COLGALT2: variants seen among roughly 807,000 people sequenced by gnomAD.
COLGALT2 encodes collagen beta(1-O)galactosyltransferase 2.
Under a neutral mutation model 73.4 loss-of-function variants are expected in COLGALT2, and 49 were observed. The observed-to-expected ratio is 0.67, with a 90% CI of 0.53 to 0.85. The LOEUF is 0.85. Ranked by LOEUF, COLGALT2 falls within the 40% of genes least tolerant of loss-of-function variation. COLGALT2 has a pLI of 0.00. For synonymous variants in COLGALT2, 295 were observed against 307.6 expected (o/e 0.96, Z 0.43); for missense variants, 722 against 790.2 (o/e 0.91, Z 1.03).
intron 10 of COLGALT2, 127 bp downstream of exon 10, chr1:183,944,069 G>A: frequency 1.7e-6 from 2 of 1,142,964 alleles, no homozygotes; most frequent in Non-Finnish European, 2.4e-6. Flanking sequence ...AACATTTATG[G>A]AAAGAAAACT....
intron 1 of COLGALT2, among the ~76,000 whole-genome samples, chr1:183,990,122 A>G (rs1671592981): frequency 6.6e-6 from 1 of 152,324 alleles, no homozygotes; most frequent in South Asian, 2.1e-4. Context: ...TCTCAACATC[A>G]GTTCTTCTCT....
chr1:184,012,631 G>A (rs58140119), intron 1 of COLGALT2, among the ~76,000 whole-genome samples: 2,799 of 152,276 alleles, frequency 0.018, 76 homozygotes, highest in African/African-American at 0.062. Flanking sequence ...TTCAAAGGCA[G>A]TCTATTCCTA....
In COLGALT2 at chr1:183,944,305, C is replaced by T. The variant is rs1248650595; in HGVS notation, c.1288G>A (p.Glu430Lys). Residue 430 changes from glutamate (E) to lysine (K), a missense_variant, in exon 10 of 12, where the codon GAG (glutamate) becomes AAG (lysine). Coordinates refer to ENST00000361927, the MANE Select transcript of COLGALT2 (RefSeq NM_015101.4). ...VWKEVIDREL[E>K]KTLVIEDDVR... The stretch of plus-strand genomic sequence containing the variant: ...TCGTCTTCAATTACAAGAGTCTTCT[C>T]TAGCTCTCGATCAATTACCTGCAAA... The T allele has an allele frequency of 6.2e-7, 1 of 1,613,218 alleles. No homozygotes were observed. Among genetic ancestry groups the T allele is most frequent in the Non-Finnish European group, 8.5e-7 (1 of 1,179,746 alleles).
At chr1:183,971,369 T>C (rs915266468) in intron 4 of COLGALT2, among the ~76,000 whole-genome samples, 1 of 152,176 alleles carries the variant, frequency 6.6e-6, no homozygotes, top group African/African-American at 2.4e-5. Context: ...AATTTAGTTT[T>C]ACTGTACAAA....
At chr1:183,958,161 T>G (rs973943203) in intron 6 of COLGALT2, among the ~76,000 whole-genome samples, 1 of 152,276 alleles carries the variant, frequency 6.6e-6, no homozygotes, top group South Asian at 2.1e-4. Flanking sequence ...ATGGGCACAG[T>G]GCTTTTAATA....
chr1:183,997,087 G>C (rs1161667903), intron 1 of COLGALT2, among the ~76,000 whole-genome samples: 7 of 152,092 alleles, frequency 4.6e-5, no homozygotes, highest in Non-Finnish European at 1.0e-4. Flanking sequence ...CTTAAGGTCT[G>C]GCCACAAGCC....
chr1:183,988,405 A>AGTG (rs899544224), intron 1 of COLGALT2, among the ~76,000 whole-genome samples: 45 of 152,322 alleles, frequency 3.0e-4, no homozygotes, highest in Middle Eastern at 3.4e-3. Context: ...TATAAAATTC[A>AGTG]GTGGTTTTTA....
chr1:183,969,365 C>T lies in COLGALT2; in HGVS notation c.736G>A (p.Glu246Lys), dbSNP rs1670972390. 1.2e-6 allele frequency: 2 copies of T among 1,613,928 alleles called. No individual in the cohort carries two copies. Among genetic ancestry groups the T allele is most frequent in the Non-Finnish European group, 1.7e-6 (2 of 1,179,898 alleles). The change falls in exon 5 of 12, where the codon GAG (glutamate) becomes AAG (lysine). Residue 246 changes from glutamate to lysine, a missense_variant. Glu to Lys is a moderately conservative substitution (Grantham distance 56). Coordinates refer to ENST00000361927, the MANE Select transcript of COLGALT2 (RefSeq NM_015101.4). ...TAGAAAGTCAGCTTGTCCGAGGCCT[C>T]CTTCCTGAGGTCAATTAGGAAGGTG... The part of the protein sequence containing the change: ...HSTFLIDLRK[E>K]ASDKLTFYPP...
chr1:184,034,492 T>C (rs1050100984), intron 1 of COLGALT2, among the ~76,000 whole-genome samples: 3 of 152,048 alleles, frequency 2.0e-5, no homozygotes, highest in African/African-American at 7.2e-5. Flanking sequence ...GCCATTCAGA[T>C]CACCTTACAC....
chr1:183,980,385 G>C (rs548347255), intron 1 of COLGALT2, among the ~76,000 whole-genome samples: 88 of 151,948 alleles, frequency 5.8e-4, no homozygotes, highest in Non-Finnish European at 7.7e-4. Flanking sequence ...TGGTAAGGAT[G>C]GGAAACAAGA....
At chr1:183,999,422 T>C (rs1384581126) in intron 1 of COLGALT2, among the ~76,000 whole-genome samples, 2 of 152,298 alleles carry the variant, frequency 1.3e-5, no homozygotes, top group Admixed American at 1.3e-4. Context: ...TATTTTCTTT[T>C]ATTATACGGT....
At chr1:183,995,280 C>A (rs1004538844) in intron 1 of COLGALT2, among the ~76,000 whole-genome samples, 1 of 152,144 alleles carries the variant, frequency 6.6e-6, no homozygotes, top group Admixed American at 6.5e-5. Flanking sequence ...TCCCAAACAA[C>A]CAAACATTTT....
intron 5 of COLGALT2, chr1:183,964,485 A>T (rs927457191): frequency 4.3e-5 from 7 of 164,338 alleles, no homozygotes; most frequent in Non-Finnish European, 9.2e-5. Flanking sequence ...GCATACATAG[A>T]ACAAAAAAAC....
intron 1 of COLGALT2, among the ~76,000 whole-genome samples, chr1:183,982,820 G>T (rs12760593): frequency 0.12 from 18,339 of 152,156 alleles, 1,211 homozygotes; most frequent in Admixed American, 0.18. Context: ...AATAGTCTAG[G>T]TAATTTATAC....
intron 4 of COLGALT2, among the ~76,000 whole-genome samples, chr1:183,969,703 T>A (rs1158753924): frequency 2.6e-5 from 4 of 152,246 alleles, no homozygotes; most frequent in Non-Finnish European, 5.9e-5. Flanking sequence ...GTAACTTTTA[T>A]TTCAGCATAT....
intron 1 of COLGALT2, among the ~76,000 whole-genome samples, chr1:183,995,603 A>T (rs1302878740): frequency 6.6e-6 from 1 of 152,088 alleles, no homozygotes; most frequent in African/African-American, 2.4e-5. Context: ...GGCTTCTTGT[A>T]TACTACCTTG....
intron 4 of COLGALT2, among the ~76,000 whole-genome samples, chr1:183,970,753 A>G (rs1425962957): frequency 2.0e-5 from 3 of 152,202 alleles, no homozygotes; most frequent in South Asian, 4.1e-4. Flanking sequence ...AATGAATCAC[A>G]TGTGATAAGG....
At chr1:184,017,743 A>G (rs899800789) in intron 1 of COLGALT2, among the ~76,000 whole-genome samples, 3 of 152,206 alleles carry the variant, frequency 2.0e-5, no homozygotes, top group Non-Finnish European at 2.9e-5. Flanking sequence ...CAGGCAGACT[A>G]AAGTGCAAGC....
chr1:183,941,640 C>T (rs1670114402), intron 10 of COLGALT2, among the ~76,000 whole-genome samples: 1 of 152,210 alleles, frequency 6.6e-6, no homozygotes, highest in Non-Finnish European at 1.5e-5. Context: ...TCTCTTTCAA[C>T]ATTCAAGGGA....
Sources: gnomAD v4.1 joint callset for allele counts (sites outside exome capture counted in the v4.1 genomes callset) on GRCh38, gnomAD v4.1.1 for gene constraint, MANE v1.5 for transcripts, NCBI Gene and HGNC (gene_info 2026-07-23, HGNC 2026-07-21) for gene names.